The following GABBR2 variants were observed in gnomAD, a reference collection of about 807,000 sequenced individuals.
GABBR2 encodes the protein G-protein coupled receptor 51.
GABBR2 carries 23 observed loss-of-function variants against 105.6 expected under a neutral mutation model. The observed-to-expected ratio is 0.22, with a 90% CI of 0.16 to 0.31. The LOEUF is 0.31. GABBR2 is among the 10% of genes least tolerant of loss of function. The pLI is 1.00. For synonymous variants in GABBR2, 478 were observed against 499.7 expected (o/e 0.96, Z 0.58); for missense variants, 734 against 1,245.5 (o/e 0.59, Z 6.18).
chr9:98,411,529 T>TA (rs1832590301), intron 7 of GABBR2, among the ~76,000 whole-genome samples: 7 of 152,020 alleles, frequency 4.6e-5, no homozygotes, highest in Admixed American at 4.6e-4. Context: ...GGGTAACTGT[T>TA]ATTGTAATGC....
At chr9:98,477,515 G>A (rs987674333) in intron 5 of GABBR2, among the ~76,000 whole-genome samples, 2 of 152,158 alleles carry the variant, frequency 1.3e-5, no homozygotes, top group Admixed American at 1.3e-4. Flanking sequence ...TGGGATCACA[G>A]GCATGAGCCA....
chr9:98,533,277 C>G (rs567573906), intron 3 of GABBR2, among the ~76,000 whole-genome samples: 2 of 152,234 alleles, frequency 1.3e-5, no homozygotes, highest in Non-Finnish European at 2.9e-5. Flanking sequence ...AGACCCTGGG[C>G]TTGCATCTAA....
At chr9:98,701,518 G>A (rs1401115341) in intron 1 of GABBR2, among the ~76,000 whole-genome samples, 1 of 152,128 alleles carries the variant, frequency 6.6e-6, no homozygotes, top group Non-Finnish European at 1.5e-5. Context: ...GAAGGGACAA[G>A]ACCAACCATC....
intron 1 of GABBR2, among the ~76,000 whole-genome samples, chr9:98,685,464 A>G (rs1299879891): frequency 2.0e-5 from 3 of 152,164 alleles, no homozygotes; most frequent in Non-Finnish European, 4.4e-5. Flanking sequence ...TGAACCCTCT[A>G]GAGTTCCCTA....
intron 1 of GABBR2, among the ~76,000 whole-genome samples, chr9:98,669,731 A>C (rs919409594): frequency 6.6e-6 from 1 of 151,970 alleles, no homozygotes; most frequent in African/African-American, 2.4e-5. Flanking sequence ...TTGATTCATC[A>C]CTCCACAAAT....
Position 98,465,121 on chromosome 9 carries a change from T to TAAAAAAAAAAAAAAAAA in GABBR2, c.999+8008_999+8024dup, listed in dbSNP as rs57747633. 7.3e-4 allele frequency among the ~76,000 whole-genome samples: 16 copies of TAAAAAAAAAAAAAAAAA among 21,998 alleles called. 1 individual carries two copies. Among genetic ancestry groups the TAAAAAAAAAAAAAAAAA allele is most frequent in the South Asian group, 2.9e-3 (1 of 342 alleles). 14.4% of individuals were successfully genotyped at this position (21,998 alleles called of 152,430 possible). A position where few individuals can be genotyped will look rare whatever the true frequency, so the allele number is the denominator to read the frequency against. ...ACACCCAAGAATGATCAATAAATACTAAAAAAAAAAAAAAAAAAAAAAAAA... is the reference window on the plus strand; with the variant it reads ...ACACCCAAGAATGATCAATAAATACTAAAAAAAAAAAAAAAAAAAAAAAAAAAAAAAAAAAAAAAAAA... On this transcript the variant is annotated intron_variant, in intron 6 of 18. Coordinates refer to ENST00000259455, the MANE Select transcript of GABBR2 (RefSeq NM_005458.8).
rs115553804 is a variant in GABBR2 at position 98,315,507 on chromosome 9, C to A, written c.1894-4302G>T. ...CTGGAAGAAAATCAAGTGACTCCTG[C>A]ACTGAACCACAAAGCAGACTGTACA... is the stretch of plus-strand genomic sequence containing the variant. On this transcript the variant is annotated intron_variant, in intron 13 of 18. Transcript: ENST00000259455. Among the ~76,000 whole-genome samples, 207 of 152,320 alleles carry A rather than the reference C, an allele frequency of 1.4e-3. 1 individual carries two copies. Among genetic ancestry groups the A allele is most frequent in the African/African-American group, 4.7e-3 (195 of 41,572 alleles).
At chr9:98,447,064 T>TATGAGTAAATGATGATA (rs1564072390) in intron 7 of GABBR2, among the ~76,000 whole-genome samples, 2 of 60,634 alleles carry the variant, frequency 3.3e-5, no homozygotes, top group African/African-American at 6.6e-5. Context: ...AAAAGACTTC[T>TATGAGTAAATGATGATA]TTTTTTTTTT....
intron 1 of GABBR2, among the ~76,000 whole-genome samples, chr9:98,683,367 T>C (rs1208279285): frequency 1.3e-5 from 2 of 152,172 alleles, no homozygotes; most frequent in Non-Finnish European, 2.9e-5. Context: ...CCTCCCAAAG[T>C]GCTGGGATTA....
In GABBR2 at chr9:98,373,851, C is replaced by CTTTTTTT. The variant is rs577915397; in HGVS notation, c.1663-2287_1663-2281dup. Among the ~76,000 whole-genome samples the CTTTTTTT allele has an allele frequency of 1.9e-3, 161 of 86,684 alleles. 3 individuals carry two copies. Among genetic ancestry groups the CTTTTTTT allele is most frequent in the Middle Eastern group, 0.012 (1 of 84 alleles). The allele number at this position is 86,684 out of a possible 152,430, so 56.9% of individuals were successfully genotyped here. A position where few individuals can be genotyped will look rare whatever the true frequency, so the allele number is the denominator to read the frequency against. On this transcript the variant is annotated intron_variant, in intron 11 of 18. Coordinates refer to ENST00000259455, the MANE Select transcript of GABBR2 (RefSeq NM_005458.8). ...TGTCACTCCAGTGTGCAAAGCATTC[C>CTTTTTTT]TTTTTTTTTTTTTTTTTTTTTTTTG...
At chr9:98,690,675 T>C (rs745534779) in intron 1 of GABBR2, among the ~76,000 whole-genome samples, 5 of 152,296 alleles carry the variant, frequency 3.3e-5, no homozygotes, top group Non-Finnish European at 4.4e-5. Flanking sequence ...GAATCCAGAA[T>C]GACAGTGGCC....
At chr9:98,300,759 TA>T (rs1019736556) in intron 16 of GABBR2, among the ~76,000 whole-genome samples, 2 of 152,202 alleles carry the variant, frequency 1.3e-5, no homozygotes, top group African/African-American at 4.8e-5. Flanking sequence ...TAATCTGATG[TA>T]GGTCAAAAGA....
chr9:98,308,897 C>G (rs1830593561), intron 14 of GABBR2, among the ~76,000 whole-genome samples: 1 of 152,228 alleles, frequency 6.6e-6, no homozygotes, highest in African/African-American at 2.4e-5. Flanking sequence ...GGCACAGGCT[C>G]CTTTGAAGAG....
At chr9:98,679,663 C>A (rs916640832) in intron 1 of GABBR2, among the ~76,000 whole-genome samples, 1 of 152,214 alleles carries the variant, frequency 6.6e-6, no homozygotes, top group Non-Finnish European at 1.5e-5. Flanking sequence ...ACACCCTTCT[C>A]CCCTGGAGCA....
At chr9:98,467,621 G>A (rs1268999110) in intron 6 of GABBR2, among the ~76,000 whole-genome samples, 1 of 152,242 alleles carries the variant, frequency 6.6e-6, no homozygotes, top group African/African-American at 2.4e-5. Context: ...TGAGATGGGT[G>A]CAGATTTTCA....
At chr9:98,293,930 A>C (rs765262327) in intron 17 of GABBR2, 28 bp from the exon 18 acceptor site, 58 of 1,267,484 alleles carry the variant, frequency 4.6e-5, no homozygotes, top group Non-Finnish European at 6.7e-5. Context: ...ATACCACAAC[A>C]TGTTCGGTTA....
chr9:98,288,433 G>A lies in GABBR2; in HGVS notation c.*2151C>T, dbSNP rs563715323. The A allele has an allele frequency of 2.6e-5, 4 of 152,676 alleles. No homozygotes were observed. The highest frequency in any genetic ancestry group is 6.5e-5 in the Admixed American group (1 of 15,302). 9.5% of individuals were successfully genotyped at this position (152,676 alleles called of 1,614,324 possible). On this transcript the variant is annotated 3_prime_UTR_variant, in exon 19 of 19. Coordinates refer to ENST00000259455, the MANE Select transcript of GABBR2 (RefSeq NM_005458.8). Reference sequence around the variant, plus strand: ...TTCGTGAGTTAACCTAGAAGACAGCGCACGCTCAGGAGTCACAAAGGGTTA... The same window carrying A: ...TTCGTGAGTTAACCTAGAAGACAGCACACGCTCAGGAGTCACAAAGGGTTA...
intron 13 of GABBR2, among the ~76,000 whole-genome samples, chr9:98,312,459 C>T (rs1022390882): frequency 6.6e-6 from 1 of 152,190 alleles, no homozygotes; most frequent in Non-Finnish European, 1.5e-5. Flanking sequence ...CGCGTTGGCA[C>T]TCTGTGATCA....
intron 17 of GABBR2, among the ~76,000 whole-genome samples, chr9:98,294,520 C>T (rs1279531881): frequency 1.3e-5 from 2 of 150,250 alleles, no homozygotes; most frequent in South Asian, 2.1e-4. Flanking sequence ...TTCTGTCACT[C>T]AGATCGTGCC....
Sources: allele counts gnomAD v4.1 joint callset (sites outside exome capture counted in the v4.1 genomes callset), GRCh38; gene constraint gnomAD v4.1.1; transcripts MANE v1.5; gene names NCBI Gene and HGNC (gene_info 2026-07-23, HGNC 2026-07-21).